Variants in GPC5 observed in about 807,000 individuals in gnomAD.
The protein encoded by GPC5 is glypican-5.
GPC5 carries 47 observed loss-of-function variants against 53.9 expected under a neutral mutation model. The ratio of observed to expected loss-of-function variants is 0.87; its 90% CI spans 0.69 to 1.11. GPC5 has a LOEUF of 1.11. Ranked by LOEUF, GPC5 falls within the 50% of genes most tolerant of loss-of-function variation. The pLI is 0.00. For synonymous variants in GPC5, 286 were observed against 263.3 expected, an observed-to-expected ratio of 1.09 and a Z score of -0.84; for missense variants, 748 against 713.1, an observed-to-expected ratio of 1.05 and a Z score of -0.56.
At chr13:92,313,269 A>G (rs139020451) in intron 7 of GPC5, among the ~76,000 whole-genome samples, 1,717 of 152,292 alleles carry the variant, frequency 0.011, 10 homozygotes, top group Non-Finnish European at 0.017. Context: ...GTAGAACCTC[A>G]TGCCAGTTCT....
intron 2 of GPC5, among the ~76,000 whole-genome samples, chr13:91,521,566 T>TA (rs1885817216): frequency 6.6e-6 from 1 of 152,230 alleles, no homozygotes; most frequent in Admixed American, 6.5e-5. Flanking sequence ...ACATTTAACT[T>TA]AAAAAACATG....
intron 2 of GPC5, among the ~76,000 whole-genome samples, chr13:91,552,478 G>A (rs2138834253): frequency 6.6e-6 from 1 of 152,164 alleles, no homozygotes; most frequent in Admixed American, 6.6e-5. Flanking sequence ...AGCCTTCAGA[G>A]CTGAGAGCCC....
chr13:91,656,901 G>A (rs886574416), intron 2 of GPC5, among the ~76,000 whole-genome samples: 1 of 152,162 alleles, frequency 6.6e-6, no homozygotes, highest in African/African-American at 2.4e-5. Flanking sequence ...GCTGGGTGCT[G>A]GTGATAAAAG....
At chr13:92,234,376 T>C (rs1019549437) in intron 7 of GPC5, among the ~76,000 whole-genome samples, 1 of 152,106 alleles carries the variant, frequency 6.6e-6, no homozygotes. Context: ...TGGTATCTCA[T>C]TGTGGTTTTG....
intron 7 of GPC5, among the ~76,000 whole-genome samples, chr13:92,378,875 A>G (rs1309015071): frequency 6.6e-6 from 1 of 152,190 alleles, no homozygotes; most frequent in Non-Finnish European, 1.5e-5. Flanking sequence ...GACTTCTTAA[A>G]GGTTTTTACT....
intron 7 of GPC5, among the ~76,000 whole-genome samples, chr13:92,403,779 C>T (rs1208385443): frequency 6.6e-6 from 1 of 152,122 alleles, no homozygotes; most frequent in African/African-American, 2.4e-5. Flanking sequence ...AGGTGTAATA[C>T]AAATGCTAAT....
intron 7 of GPC5, among the ~76,000 whole-genome samples, chr13:92,419,479 G>A (rs760491828): frequency 3.9e-5 from 6 of 152,142 alleles, no homozygotes; most frequent in African/African-American, 1.4e-4. Context: ...TAGGTGAAAT[G>A]ACTAGTGTTA....
At chr13:92,713,968 A>G (rs981081386) in intron 7 of GPC5, among the ~76,000 whole-genome samples, 7 of 152,134 alleles carry the variant, frequency 4.6e-5, no homozygotes, top group African/African-American at 1.7e-4. Context: ...ATTGCAATGC[A>G]TGTTCTTCAA....
intron 6 of GPC5, among the ~76,000 whole-genome samples, chr13:92,065,400 T>C (rs561831749): frequency 6.6e-6 from 1 of 152,138 alleles, no homozygotes; most frequent in Non-Finnish European, 1.5e-5. Flanking sequence ...AAGAGTATAC[T>C]TGGATATAAA....
intron 6 of GPC5, among the ~76,000 whole-genome samples, chr13:91,974,945 G>C (rs563393535): frequency 6.6e-6 from 1 of 152,142 alleles, no homozygotes; most frequent in African/African-American, 2.4e-5. Flanking sequence ...GAACAGAACA[G>C]AGCCCTCAGA....
In GPC5 at chr13:92,114,457, T is replaced by A. The variant is rs2041584291; in HGVS notation, c.1402-30373T>A. On this transcript the variant is annotated intron_variant, in intron 6 of 7. Coordinates refer to ENST00000377067, the MANE Select transcript of GPC5 (RefSeq NM_004466.6). ...CCTTATTCATCTCTGCCTGACAGTGTTTTCCCGGGATAAGAGGGAAGCCAC... is the reference window on the plus strand; with the variant it reads ...CCTTATTCATCTCTGCCTGACAGTGATTTCCCGGGATAAGAGGGAAGCCAC... Among the ~76,000 whole-genome samples the A allele has an allele frequency of 5.3e-5, 8 of 152,126 alleles. No homozygotes were observed. The South Asian group carries it at 1.7e-3, about 32-fold the overall frequency.
At chr13:91,570,208 T>G (rs531027734) in intron 2 of GPC5, among the ~76,000 whole-genome samples, 34 of 152,310 alleles carry the variant, frequency 2.2e-4, no homozygotes, top group Non-Finnish European at 4.9e-4. Context: ...TAATGTTTTT[T>G]TCTTATTGAG....
intron 7 of GPC5, among the ~76,000 whole-genome samples, chr13:92,633,730 T>C (rs1431551457): frequency 1.3e-5 from 2 of 152,156 alleles, no homozygotes; most frequent in Admixed American, 1.3e-4. Context: ...TTACCTATTA[T>C]GTTTTCTGCC....
intron 1 of GPC5, among the ~76,000 whole-genome samples, chr13:91,439,424 G>A (rs1880254671): frequency 6.6e-6 from 1 of 152,202 alleles, no homozygotes; most frequent in African/African-American, 2.4e-5. Flanking sequence ...CTCCTTAGGT[G>A]ATCTTATAAA....
intron 7 of GPC5, among the ~76,000 whole-genome samples, chr13:92,456,362 G>GT (rs1251403503): frequency 6.6e-6 from 1 of 152,124 alleles, no homozygotes; most frequent in African/African-American, 2.4e-5. Flanking sequence ...ATCAAACTAT[G>GT]TTCTTTATCT....
chr13:91,963,527 TA>T (rs925968572), intron 6 of GPC5, among the ~76,000 whole-genome samples: 4 of 152,186 alleles, frequency 2.6e-5, no homozygotes, highest in African/African-American at 9.6e-5. Context: ...CCTTGGTATC[TA>T]TTGTTGGAAG....
chr13:92,858,840 G>T (rs1047218001), intron 7 of GPC5, among the ~76,000 whole-genome samples: 32 of 152,126 alleles, frequency 2.1e-4, no homozygotes, highest in Admixed American at 7.2e-4. Flanking sequence ...AAAAGAATTT[G>T]TCAGGGAGTG....
intron 2 of GPC5, among the ~76,000 whole-genome samples, chr13:91,637,633 A>G (rs2034317268): frequency 6.6e-6 from 1 of 152,170 alleles, no homozygotes; most frequent in African/African-American, 2.4e-5. Context: ...AGAGCTGGGA[A>G]ACCCTGATAC....
At position 91,720,148 on chromosome 13, in the gene GPC5, T is replaced by C. The variant is rs150054390; in HGVS notation, c.1021-8384T>C. On this transcript the variant is annotated intron_variant, in intron 3 of 7. Coordinates refer to ENST00000377067, the MANE Select transcript of GPC5 (RefSeq NM_004466.6). ...CAAAACAGAATCTCACTAGATTCCA[T>C]CCCTTCTCTAGGCTTTGTCCCATAA... 3.5e-4 allele frequency among the ~76,000 whole-genome samples: 54 copies of C among 152,312 alleles called. 1 individual carries two copies. In the East Asian group the frequency reaches 0.01, roughly 29 times the overall value.
Sources: gnomAD v4.1 joint callset for allele counts (sites outside exome capture counted in the v4.1 genomes callset) on GRCh38, gnomAD v4.1.1 for gene constraint, MANE v1.5 for transcripts, NCBI Gene and HGNC (gene_info 2026-07-23, HGNC 2026-07-21) for gene names.